The following MAP3K9 variants were observed in gnomAD, a reference collection of about 807,000 sequenced individuals.
The protein encoded by MAP3K9 is mixed lineage kinase 1 (tyr and ser/thr specificity).
MAP3K9 carries 46 observed loss-of-function variants against 95.8 expected under a neutral mutation model. The ratio of observed to expected loss-of-function variants is 0.48; its 90% confidence interval spans 0.38 to 0.61. The LOEUF is 0.61. Ranked by LOEUF, MAP3K9 falls within the 20% of genes least tolerant of loss-of-function variation. The probability of loss-of-function intolerance (pLI) is 0.00; values close to 1 mark genes in which losing one functional copy is unlikely to be tolerated. For synonymous variants in MAP3K9, 533 were observed against 593.8 expected, an observed-to-expected ratio of 0.90 and a Z score of 1.49; for missense variants, 1,296 against 1,474.3, an observed-to-expected ratio of 0.88 and a Z score of 1.98.
chr14:70,727,358 C>A lies in MAP3K9; in HGVS notation c.*3022G>T, dbSNP rs1344288590. 2 of 152,228 alleles carry A rather than the reference C, an allele frequency of 1.3e-5. No individual in the cohort carries two copies. The highest frequency in any genetic ancestry group is 1.3e-4 in the Admixed American group (2 of 15,276). The allele number at this position is 152,228 out of a possible 1,614,324, so 9.4% of individuals were successfully genotyped here. On this transcript the variant is annotated 3_prime_UTR_variant, in exon 12 of 12. Coordinates refer to ENST00000554752, the MANE Select transcript of MAP3K9 (RefSeq NM_001284230.2). ...GTCAAAAGGGGATAATCCGAATCAGCGGTAGGAGCTGAAGAATCCAAGAAG... is the reference window on the plus strand; with the variant it reads ...GTCAAAAGGGGATAATCCGAATCAGAGGTAGGAGCTGAAGAATCCAAGAAG...
chr14:70,742,210 CA>C, intron 6 of MAP3K9, 140 bp downstream of exon 6: 1 of 1,139,470 alleles, frequency 8.8e-7, no homozygotes, highest in Non-Finnish European at 1.2e-6. Flanking sequence ...TTCCAGTGAA[CA>C]GAATGGCCCA....
rs575813093 is a variant in MAP3K9, at chr14:70,727,897, A to G, written c.*2483T>C. ...CATTCAGTTACACTACATCAGTTAC[A>G]CTACATCTAGAAAGATGGCTGCAAC... is the stretch of plus-strand genomic sequence containing the variant. On this transcript the variant is annotated 3_prime_UTR_variant, in exon 12 of 12. Transcript: ENST00000554752. 12 of 152,354 alleles carry G rather than the reference A, an allele frequency of 7.9e-5. No homozygotes were observed. Among genetic ancestry groups the G allele is most frequent in the African/African-American group, 2.9e-4 (12 of 41,568 alleles). The allele number at this position is 152,354 out of a possible 1,614,324, so 9.4% of individuals were successfully genotyped here. A position where few individuals can be genotyped will look rare whatever the true frequency, so the allele number is the denominator to read the frequency against.
At chr14:70,784,149 G>A (rs2054717491) in intron 2 of MAP3K9, among the ~76,000 whole-genome samples, 1 of 152,064 alleles carries the variant, frequency 6.6e-6, no homozygotes, top group South Asian at 2.1e-4. Flanking sequence ...TGGGCATGGT[G>A]GTGCATGCCT....
At chr14:70,732,421 A>C in intron 11 of MAP3K9, 118 bp downstream of exon 11, 1 of 1,402,356 alleles carries the variant, frequency 7.1e-7, no homozygotes, top group Non-Finnish European at 9.3e-7. Flanking sequence ...TGATTGGCTA[A>C]GAGGAGGAAT....
intron 2 of MAP3K9, among the ~76,000 whole-genome samples, chr14:70,795,937 T>G (rs2054859941): frequency 6.6e-6 from 1 of 151,464 alleles, no homozygotes; most frequent in South Asian, 2.1e-4. Flanking sequence ...TGTATTTTAG[T>G]AGAGATGGGG....
chr14:70,757,089 C>T (rs2054307940), intron 3 of MAP3K9, among the ~76,000 whole-genome samples: 1 of 152,062 alleles, frequency 6.6e-6, no homozygotes, highest in Non-Finnish European at 1.5e-5. Context: ...GTTCAATATA[C>T]AGATGCTACA....
At position 70,800,810 on chromosome 14, in the gene MAP3K9, C is replaced by T. The variant is rs766524571; in HGVS notation, c.677G>A (p.Gly226Glu). 1 of 1,614,146 alleles carries T rather than the reference C, an allele frequency of 6.2e-7. No individual in the cohort carries two copies. Among genetic ancestry groups the T allele is most frequent in the Non-Finnish European group, 8.5e-7 (1 of 1,180,024 alleles). The change falls in exon 2 of 12, where the codon GGA (glycine) becomes GAA (glutamate). Residue 226 changes from glycine to glutamate, a missense_variant. Physicochemically the swap from Gly to Glu is moderately conservative, Grantham distance 98 (BLOSUM62 -2). Transcript: ENST00000554752. ...CCCAGATAACACTCTATTCAAAGGT[C>T]CTCCACGAGCAAACTCCATGACCAA... ...LCLVMEFARG[G>E]PLNRVLSGKR...
intron 2 of MAP3K9, among the ~76,000 whole-genome samples, chr14:70,787,896 T>C (rs1005925358): frequency 1.3e-5 from 2 of 152,040 alleles, no homozygotes; most frequent in Non-Finnish European, 2.9e-5. Flanking sequence ...TGCGAAGTCC[T>C]ATACTAGGGA....
intron 2 of MAP3K9, among the ~76,000 whole-genome samples, chr14:70,794,755 G>T (rs1468565912): frequency 1.3e-5 from 2 of 149,378 alleles, no homozygotes. Flanking sequence ...TCGGCTCACT[G>T]CAACTTCTGT....
At chr14:70,789,458 C>T (rs1011750366) in intron 2 of MAP3K9, among the ~76,000 whole-genome samples, 1 of 152,146 alleles carries the variant, frequency 6.6e-6, no homozygotes, top group Non-Finnish European at 1.5e-5. Context: ...AAGCACAGTG[C>T]CATTTACTGA....
In MAP3K9 at chr14:70,742,568, C is replaced by T. The variant is rs757719120; in HGVS notation, c.1350G>A (p.Glu450=). The T allele has an allele frequency of 6.2e-7, 1 of 1,614,112 alleles. No individual in the cohort carries two copies. Among genetic ancestry groups the T allele is most frequent in the South Asian group, 1.1e-5 (1 of 91,072 alleles). Residue 450 remains glutamate, a synonymous_variant, in exon 6 of 12, where the codon GAG becomes GAA. Transcript: ENST00000554752. The part of the protein sequence containing the change: ...KEKELRTWEE[E]LTRAALQQKN... ...TCTGCTGCAGTGCAGCCCGCGTCAG[C>T]TCCTCCTCCCAGGTGCGAAGTTCCT... is the stretch of plus-strand genomic sequence containing the variant.
At chr14:70,769,859 C>A (rs2054507320) in intron 2 of MAP3K9, among the ~76,000 whole-genome samples, 1 of 152,238 alleles carries the variant, frequency 6.6e-6, no homozygotes, top group Non-Finnish European at 1.5e-5. Flanking sequence ...AACTTGACTA[C>A]ATCTGCAAAG....
intron 2 of MAP3K9, chr14:70,783,133 T>C (rs1217308608): frequency 3.5e-6 from 1 of 285,546 alleles, no homozygotes; most frequent in African/African-American, 2.3e-5. Context: ...ACACATCAAA[T>C]CAAGCATCAA....
chr14:70,768,235 G>A (rs2054483770), intron 2 of MAP3K9, among the ~76,000 whole-genome samples: 1 of 152,048 alleles, frequency 6.6e-6, no homozygotes, highest in Admixed American at 6.5e-5. Flanking sequence ...TGCATCATAT[G>A]CCTGTATCAC....
In MAP3K9 at chr14:70,727,846, C is replaced by T. The variant is rs2053839425; in HGVS notation, c.*2534G>A. The T allele has an allele frequency of 6.6e-6, 1 of 152,256 alleles. No individual in the cohort carries two copies. Among genetic ancestry groups the T allele is most frequent in the Admixed American group, 6.5e-5 (1 of 15,284 alleles). The allele number at this position is 152,256 out of a possible 1,614,324, so 9.4% of individuals were successfully genotyped here. On this transcript the variant is annotated 3_prime_UTR_variant, in exon 12 of 12. Transcript: ENST00000554752. ...GTGGACAAGTAAGGATGGCACTCAA[C>T]CTCTCACTCAATGGCAGGTGACCAT...
chr14:70,809,147 C>G lies in MAP3K9; in HGVS notation c.25G>C (p.Gly9Arg). 7 of 1,378,932 alleles carry G rather than the reference C, an allele frequency of 5.1e-6. No individual in the cohort carries two copies. Among genetic ancestry groups the G allele is most frequent in the Non-Finnish European group, 5.6e-6 (6 of 1,075,152 alleles). The allele number at this position is 1,378,932 out of a possible 1,614,324, so 85.4% of individuals were successfully genotyped here. The change falls in exon 1 of 12, where the codon GGC (glycine) becomes CGC (arginine). Residue 9 changes from glycine to arginine, a missense_variant. This residue lies in a region of MAP3K9 where 338 missense variants were observed against 363.4 expected (regional missense o/e 0.93). Coordinates refer to ENST00000554752, the MANE Select transcript of MAP3K9 (RefSeq NM_001284230.2). MEPSRALL[G>R]CLASAAAAAP... The stretch of plus-strand genomic sequence containing the variant: ...GCAGCGGCGGCGCTCGCTAGGCAGC[C>G]GAGAAGCGCTCTGGAGGGCTCCATG...
intron 10 of MAP3K9, chr14:70,733,822 G>A: frequency 1.4e-6 from 1 of 718,116 alleles, no homozygotes; most frequent in African/African-American, 1.7e-5. Context: ...GGCAGAAAAA[G>A]GGGGATGCTC....
At chr14:70,739,924 G>A (rs770346696) in intron 7 of MAP3K9, 118 bp downstream of exon 7, 11 of 1,613,714 alleles carry the variant, frequency 6.8e-6, no homozygotes, top group East Asian at 4.5e-5. Flanking sequence ...ACACATTGTC[G>A]AGGAGAGGTG....
At chr14:70,777,684 C>G (rs1201885941) in intron 2 of MAP3K9, among the ~76,000 whole-genome samples, 1 of 152,178 alleles carries the variant, frequency 6.6e-6, no homozygotes, top group African/African-American at 2.4e-5. Flanking sequence ...CAAGTCAACT[C>G]TTAAGACACT....
Sources: allele counts gnomAD v4.1 joint callset (sites outside exome capture counted in the v4.1 genomes callset), GRCh38; gene constraint gnomAD v4.1.1; regional missense constraint gnomAD v4.1.1; transcripts MANE v1.5; gene names NCBI Gene and HGNC (gene_info 2026-07-23, HGNC 2026-07-21).